The following TAF1C variants were observed in gnomAD, a reference collection of about 807,000 sequenced individuals.
TAF1C encodes TATA box-binding protein-associated factor RNA polymerase I subunit C.
Under a neutral mutation model 70.5 loss-of-function variants are expected in TAF1C, and 79 were observed. That is an observed-to-expected ratio of 1.12 (90% CI 0.93 to 1.35). The LOEUF (loss-of-function observed/expected upper bound fraction) is 1.35. Ranked by LOEUF, TAF1C falls within the 40% of genes most tolerant of loss-of-function variation. The pLI is 0.00. For missense variants in TAF1C, 1,412 were observed against 1,127.8 expected, an observed-to-expected ratio of 1.25 and a Z score of -3.61; for synonymous variants, 614 against 491.1, an observed-to-expected ratio of 1.25 and a Z score of -3.31.
rs1444515554 is a variant in TAF1C, at chr16:84,182,607, C to T, written c.483-167G>A. ...CATGCCCCGGAAGCAATCATGTGAC[C>T]CAGACCTGGCCACCAACAATATTCC... On this transcript the variant is annotated intron_variant, in intron 6 of 14. Coordinates refer to ENST00000566732, the MANE Select transcript of TAF1C (RefSeq NM_001243156.2). This position sits in a 1 kb window ranked among gnomAD's most constrained non-coding sequence, Gnocchi z 5.0. Among the ~76,000 whole-genome samples the T allele has an allele frequency of 1.3e-5, 2 of 152,202 alleles. No homozygotes were observed. Among genetic ancestry groups the T allele is most frequent in the African/African-American group, 2.4e-5 (1 of 41,462 alleles).
chr16:84,178,856 C>G lies in TAF1C; in HGVS notation c.*85G>C, dbSNP rs2088898099. The G allele has an allele frequency of 1.4e-6, 2 of 1,441,260 alleles. No homozygotes were observed. The highest frequency in any genetic ancestry group is 1.9e-6 in the Non-Finnish European group (2 of 1,079,452). The allele number at this position is 1,441,260 out of a possible 1,614,324, so 89.3% of individuals were successfully genotyped here. A position where few individuals can be genotyped will look rare whatever the true frequency, so the allele number is the denominator to read the frequency against. On this transcript the variant is annotated 3_prime_UTR_variant, in exon 15 of 15. Transcript: ENST00000566732. ...CCAGAAGGTGGCGAGCTCTGCTTCT[C>G]AAGTTTCAACTGTGGAAGGCACATC...
intron 5 of TAF1C, 40 bp downstream of exon 5, chr16:84,183,204 C>A: frequency 6.2e-7 from 1 of 1,614,010 alleles, no homozygotes; most frequent in Non-Finnish European, 8.5e-7. Flanking sequence ...CCCTGAAGGA[C>A]AGCAGGGAGT....
chr16:84,181,004 G>A (rs1719094745), intron 12 of TAF1C, 39 bp downstream of exon 12: 2 of 1,577,502 alleles, frequency 1.3e-6, no homozygotes, highest in Admixed American at 1.7e-5. Flanking sequence ...ATCTGAGACA[G>A]AGCAGAGGTG....
At position 84,182,984 on chromosome 16, in the gene TAF1C, A is replaced by G; in HGVS notation, c.482+92T>C. 3 of 1,303,472 alleles carry G rather than the reference A, an allele frequency of 2.3e-6. No individual in the cohort carries two copies. Among genetic ancestry groups the G allele is most frequent in the Non-Finnish European group, 3.3e-6 (3 of 902,382 alleles). 80.7% of individuals were successfully genotyped at this position (1,303,472 alleles called of 1,614,324 possible). A position where few individuals can be genotyped will look rare whatever the true frequency, so the allele number is the denominator to read the frequency against. ...TGCATGGAGCAGGGGGGAAGTGGGT[A>G]TGACGGAAAGCTGTACGTGCGTCCT... is the stretch of plus-strand genomic sequence containing the variant. On this transcript the variant is annotated intron_variant, in intron 6 of 14. Transcript: ENST00000566732. The surrounding 1 kb of genome is among the most constrained non-coding windows in gnomAD (Gnocchi z 5.0).
Position 84,182,394 on chromosome 16 carries a change from G to A in TAF1C, c.529C>T (p.Leu177Phe), listed in dbSNP as rs1338048239. 1.9e-6 allele frequency: 3 copies of A among 1,606,630 alleles called. No homozygotes were observed. The highest frequency in any genetic ancestry group is 1.3e-5 in the African/African-American group (1 of 74,898). The stretch of plus-strand genomic sequence containing the variant: ...GACGTGCCCAGGATGGGGCCCCCGA[G>A]GATAGAGAAGCGGCGCTGTCGGTTG... ...LSNRQRRFSI[L>F]GGPILGTSVA... is the part of the protein sequence containing the mutation. Residue 177 changes from leucine (L) to phenylalanine (F), a missense_variant, in exon 7 of 15, where the codon CTC (leucine) becomes TTC (phenylalanine). Leu to Phe is a conservative substitution (Grantham distance 22). Coordinates refer to ENST00000566732, the MANE Select transcript of TAF1C (RefSeq NM_001243156.2). This position sits in a 1 kb window ranked among gnomAD's most constrained non-coding sequence, Gnocchi z 5.0.
At chr16:84,180,901 T>C (rs987379632) in intron 12 of TAF1C, 142 bp downstream of exon 12, 11 of 1,437,166 alleles carry the variant, frequency 7.7e-6, no homozygotes, top group Non-Finnish European at 9.2e-6. Context: ...CACTGCGTGT[T>C]TGGGCCACAG....
chr16:84,177,919 C>G lies in TAF1C; in HGVS notation c.*1022G>C. ...GGCATGATAAACATTTTAACACCCACGCGAGTCAGTGTATGATTGGGCTAG... is the reference window on the plus strand; with the variant it reads ...GGCATGATAAACATTTTAACACCCAGGCGAGTCAGTGTATGATTGGGCTAG... On this transcript the variant is annotated 3_prime_UTR_variant, in exon 15 of 15. Transcript: ENST00000566732. The G allele has an allele frequency of 8.2e-7, 1 of 1,218,588 alleles. No individual in the cohort carries two copies. Among genetic ancestry groups the G allele is most frequent in the Non-Finnish European group, 1.2e-6 (1 of 828,310 alleles). The allele number at this position is 1,218,588 out of a possible 1,614,324, so 75.5% of individuals were successfully genotyped here.
rs976561492 is a variant in TAF1C at position 84,182,719 on chromosome 16, G to A, written c.483-279C>T. Among the ~76,000 whole-genome samples, 4 of 152,318 alleles carry A rather than the reference G, an allele frequency of 2.6e-5. No individual in the cohort carries two copies. Among genetic ancestry groups the A allele is most frequent in the East Asian group, 1.9e-4 (1 of 5,186 alleles). ...AGTCCTTTCTGGGACTTCTGGTGCC[G>A]CAGGAAGGACACTGGCTCTTTCCTT... On this transcript the variant is annotated intron_variant, in intron 6 of 14. Transcript: ENST00000566732. This position sits in a 1 kb window ranked among gnomAD's most constrained non-coding sequence, Gnocchi z 5.0.
chr16:84,181,570 G>T (rs754768718), intron 10 of TAF1C, 22 bp downstream of exon 10: 3 of 1,613,936 alleles, frequency 1.9e-6, no homozygotes, highest in East Asian at 2.2e-5. Context: ...AGGGTGGGGG[G>T]TTTCACAGGA....
In TAF1C at chr16:84,183,660, GCA is replaced by G. The variant is rs1470026146; in HGVS notation, c.220+35_220+36del. ...GGGAGCAGTGGGAAGAATAGGTGGA[GCA>G]GTGTGGAGTGAGCCCGGGGGAATGA... is the stretch of plus-strand genomic sequence containing the variant. On this transcript the variant is annotated intron_variant, in intron 3 of 14. Coordinates refer to ENST00000566732, the MANE Select transcript of TAF1C (RefSeq NM_001243156.2). 3 of 1,584,840 alleles carry G rather than the reference GCA, an allele frequency of 1.9e-6. No individual in the cohort carries two copies. The African/African-American group carries it at 4.0e-5, about 21-fold the overall frequency.
intron 11 of TAF1C, 48 bp from the exon 12 acceptor site, chr16:84,181,234 G>C (rs201687882): frequency 3.0e-5 from 48 of 1,593,896 alleles, no homozygotes; most frequent in Admixed American, 1.9e-4. Flanking sequence ...CCAGGCCGGT[G>C]ACGCTGTCCT....
Position 84,179,090 on chromosome 16 carries a change from T to G in TAF1C, c.2383A>C (p.Lys795Gln). The G allele has an allele frequency of 1.9e-6, 3 of 1,610,452 alleles. No homozygotes were observed. Among genetic ancestry groups the G allele is most frequent in the Non-Finnish European group, 2.5e-6 (3 of 1,179,044 alleles). The change falls in exon 15 of 15, where the codon AAG (lysine) becomes CAG (glutamine). Residue 795 changes from lysine to glutamine, a missense_variant. Lys to Gln is a moderately conservative substitution (Grantham distance 53). Transcript: ENST00000566732. ...QRQMLRDYMA[K>Q]LPPQRDTPGC... is the part of the protein sequence containing the mutation. ...GGGGTGTCCCTCTGGGGTGGTAGCT[T>G]GGCCATGTAGTCACGGAGCATCTGC... is the stretch of plus-strand genomic sequence containing the variant.
At chr16:84,183,176 A>G (rs200937765) in intron 5 of TAF1C, 27 bp from the exon 6 acceptor site, 13 of 1,614,010 alleles carry the variant, frequency 8.1e-6, no homozygotes, top group South Asian at 5.5e-5. Context: ...TGTCAGGCTC[A>G]CACACCCTCG....
chr16:84,182,863 T>G lies in TAF1C; in HGVS notation c.482+213A>C, dbSNP rs2089281379. Among the ~76,000 whole-genome samples, 1 of 152,236 alleles carries G rather than the reference T, an allele frequency of 6.6e-6. No individual in the cohort carries two copies. Among genetic ancestry groups the G allele is most frequent in the Admixed American group, 6.5e-5 (1 of 15,288 alleles). On this transcript the variant is annotated intron_variant, in intron 6 of 14. Transcript: ENST00000566732. This position sits in a 1 kb window ranked among gnomAD's most constrained non-coding sequence, Gnocchi z 5.0. ...GCTCTATGAACATTATTTGAACACCTGGATGCAGCTGTGCCTGAACTCCAC... is the reference window on the plus strand; with the variant it reads ...GCTCTATGAACATTATTTGAACACCGGGATGCAGCTGTGCCTGAACTCCAC...
chr16:84,181,372 G>C lies in TAF1C; in HGVS notation c.1120C>G (p.Leu374Val), dbSNP rs1427843218. The change falls in exon 11 of 15, where the codon CTG (leucine) becomes GTG (valine). Residue 374 changes from leucine (L) to valine (V), a missense_variant. By Grantham distance (32) the Leu-to-Val change is conservative. Transcript: ENST00000566732. The stretch of plus-strand genomic sequence containing the variant: ...ACTCCGGTGCGGTCACCCACGGTCA[G>C]CACCCGAGGGTGCGCAGTGAAGTCT... ...WADFTAHPRVLTVGDRTGVKM... is the reference protein window; with the variant it reads ...WADFTAHPRVVTVGDRTGVKM... The C allele has an allele frequency of 3.1e-6, 5 of 1,613,716 alleles. No homozygotes were observed. The African/African-American group carries it at 6.7e-5, about 22-fold the overall frequency.
In TAF1C at chr16:84,181,816, C is replaced by T. The variant is rs774146169; in HGVS notation, c.886G>A (p.Gly296Ser). The change falls in exon 9 of 15, where the codon GGT becomes AGT. Residue 296 changes from glycine (G) to serine (S), a missense_variant. Physicochemically the swap from Gly to Ser is moderately conservative, Grantham distance 56. Coordinates refer to ENST00000566732, the MANE Select transcript of TAF1C (RefSeq NM_001243156.2). ...SDYHCAVWKF[G>S]KQWQPTLLQA... ...AGAAGGGTTGGCTGCCACTGTTTAC[C>T]AAACTTCCACACGGCACAGTGGTAG... 3 of 1,614,168 alleles carry T rather than the reference C, an allele frequency of 1.9e-6. No individual in the cohort carries two copies. The South Asian group carries it at 3.3e-5, about 18-fold the overall frequency.
At position 84,181,321 on chromosome 16, in the gene TAF1C, C is replaced by G. The variant is rs369858752; in HGVS notation, c.1164+7G>C. ...GTCGGGGTGGGTCCTCTGCCGCCAG[C>G]CCGTACCTGAGTGTCCAGCATCTTC... On this transcript the variant is annotated splice_region_variant and intron_variant, in intron 11 of 14. Transcript: ENST00000566732. 6.6e-5 allele frequency: 106 copies of G among 1,612,870 alleles called. No homozygotes were observed. Among genetic ancestry groups the G allele is most frequent in the Non-Finnish European group, 8.6e-5 (101 of 1,179,420 alleles).
rs2089267060 is a variant in TAF1C, at chr16:84,182,593, A to G, written c.483-153T>C. ...CCCCATCCTGTTCCCATGCCCCGGA[A>G]GCAATCATGTGACCCAGACCTGGCC... On this transcript the variant is annotated intron_variant, in intron 6 of 14. Coordinates refer to ENST00000566732, the MANE Select transcript of TAF1C (RefSeq NM_001243156.2). This position sits in a 1 kb window ranked among gnomAD's most constrained non-coding sequence, Gnocchi z 5.0. 6.6e-6 allele frequency among the ~76,000 whole-genome samples: 1 copy of G among 152,222 alleles called. No individual in the cohort carries two copies. The highest frequency in any genetic ancestry group is 6.5e-5 in the Admixed American group (1 of 15,282).
chr16:84,184,804 G>A, intron 2 of TAF1C, 47 bp downstream of exon 2: 1 of 1,550,750 alleles, frequency 6.4e-7, no homozygotes, highest in Non-Finnish European at 8.7e-7. Context: ...GGGACCCAGG[G>A]AAGGGATGTC....
Sources: allele counts gnomAD v4.1 joint callset (sites outside exome capture counted in the v4.1 genomes callset), GRCh38; gene constraint gnomAD v4.1.1; non-coding constraint Gnocchi (gnomAD v3.1); transcripts MANE v1.5; gene names NCBI Gene and HGNC (gene_info 2026-07-23, HGNC 2026-07-21).